The following CBX3 variants were observed in gnomAD, a reference collection of about 807,000 sequenced individuals.
The protein encoded by CBX3 is chromobox protein homolog 3.
In CBX3, 5 loss-of-function variants were observed where a neutral mutation model predicts 22.6. The ratio of observed to expected loss-of-function variants is 0.22; its 90% CI spans 0.12 to 0.47. The LOEUF (loss-of-function observed/expected upper bound fraction) is 0.47, where lower values mean the gene tolerates loss of function less well. Among genes scored for constraint, CBX3 ranks in the 20% least tolerant of loss-of-function variants. CBX3 has a pLI of 0.99. For synonymous variants in CBX3, 50 were observed against 66.6 expected (o/e 0.75, Z 1.21); for missense variants, 83 against 208.1 (o/e 0.40, Z 3.70).
chr7:26,205,648 C>CAG (rs1191595675), intron 2 of CBX3, among the ~76,000 whole-genome samples: 29 of 152,138 alleles, frequency 1.9e-4, no homozygotes, highest in African/African-American at 6.0e-4. Context: ...CTTTTACCAT[C>CAG]TGGGGGTGGA....
At chr7:26,206,547 C>T in intron 3 of CBX3, 37 bp downstream of exon 3, 2 of 1,597,058 alleles carry the variant, frequency 1.3e-6, no homozygotes, top group Non-Finnish European at 1.7e-6. Context: ...ATATGTTTAA[C>T]TGCAGCTAAG....
In CBX3 at chr7:26,208,585, T is replaced by C. The variant is rs1267155269; in HGVS notation, c.330+30T>C. 2.6e-6 allele frequency: 4 copies of C among 1,563,988 alleles called. No homozygotes were observed. In the Admixed American group the frequency reaches 7.5e-5, roughly 29 times the overall value. Reference sequence around the variant, plus strand: ...GTATAAAATATTGCCCACCAGCTTGTCCTTTTGTAAAAGGTTGATGGCTTG... The same window carrying C: ...GTATAAAATATTGCCCACCAGCTTGCCCTTTTGTAAAAGGTTGATGGCTTG... On this transcript the variant is annotated intron_variant, in intron 4 of 5. Coordinates refer to ENST00000396386, the MANE Select transcript of CBX3 (RefSeq NM_016587.4).
intron 4 of CBX3, among the ~76,000 whole-genome samples, chr7:26,211,407 G>C (rs1211030101): frequency 6.6e-6 from 1 of 152,050 alleles, no homozygotes; most frequent in Non-Finnish European, 1.5e-5. Context: ...CTCTGACTTT[G>C]GTGTCATTGA....
Position 26,206,509 on chromosome 7 carries a change from G to A in CBX3, c.166G>A (p.Asp56Asn), listed in dbSNP as rs760321538. 11 of 1,613,362 alleles carry A rather than the reference G, an allele frequency of 6.8e-6. No individual in the cohort carries two copies. Among genetic ancestry groups the A allele is most frequent in the Non-Finnish European group, 9.3e-6 (11 of 1,179,728 alleles). ...EYFLKWKGFT[D>N]ADNTWEPEEN... Reference sequence around the variant, plus strand: ...TTTCCTGAAGTGGAAGGGATTTACAGAGTAAGAAACTTTAGTGCATCTTTA... The same window carrying A: ...TTTCCTGAAGTGGAAGGGATTTACAAAGTAAGAAACTTTAGTGCATCTTTA... The change falls in exon 3 of 6, where the codon GAT becomes AAT. Residue 56 changes from aspartate to asparagine, a missense_variant and splice_region_variant. Coordinates refer to ENST00000396386, the MANE Select transcript of CBX3 (RefSeq NM_016587.4).
At chr7:26,206,024 A>G in intron 2 of CBX3, 1 of 182,774 alleles carries the variant, frequency 5.5e-6, no homozygotes, top group Non-Finnish European at 1.1e-5. Flanking sequence ...GGGGAGGCGG[A>G]GGTTGCAGTG....
rs1363464792 is a variant in CBX3 at position 26,212,583 on chromosome 7, TGTG to T, written c.*376_*378del. 3.0e-5 allele frequency: 2 copies of T among 66,984 alleles called. No homozygotes were observed. Among genetic ancestry groups the T allele is most frequent in the African/African-American group, 8.8e-5 (2 of 22,726 alleles). 4.1% of individuals were successfully genotyped at this position (66,984 alleles called of 1,614,324 possible). On this transcript the variant is annotated 3_prime_UTR_variant, in exon 6 of 6. Coordinates refer to ENST00000396386, the MANE Select transcript of CBX3 (RefSeq NM_016587.4). ...CATTCTAGATTTATTACGTGTTTTT[TGTG>T]TGTGTGTGTGTGTGTGTGTGTGTGT...
intron 4 of CBX3, among the ~76,000 whole-genome samples, chr7:26,211,421 C>T (rs146854300): frequency 3.0e-3 from 452 of 152,184 alleles, no homozygotes; most frequent in African/African-American, 0.011. Flanking sequence ...TCATTGAACG[C>T]AGTAATTTTC....
At chr7:26,205,742 T>A (rs990418192) in intron 2 of CBX3, among the ~76,000 whole-genome samples, 2 of 152,182 alleles carry the variant, frequency 1.3e-5, no homozygotes, top group Non-Finnish European at 2.9e-5. Flanking sequence ...CCTGCATAGT[T>A]GTTTGTTGCA....
chr7:26,205,767 A>G (rs1489072144), intron 2 of CBX3, among the ~76,000 whole-genome samples: 1 of 152,176 alleles, frequency 6.6e-6, no homozygotes, highest in Middle Eastern at 3.2e-3. Flanking sequence ...TGTTAAAATG[A>G]GTGAAAATTA....
intron 5 of CBX3, 96 bp downstream of exon 5, chr7:26,211,852 C>T: frequency 2.1e-6 from 2 of 947,224 alleles, no homozygotes; most frequent in South Asian, 3.4e-5. Flanking sequence ...GAAAAACTAT[C>T]TGCTGAGAGG....
chr7:26,207,107 C>A (rs545579038), intron 3 of CBX3, among the ~76,000 whole-genome samples: 2 of 152,184 alleles, frequency 1.3e-5, no homozygotes, highest in Admixed American at 1.3e-4. Flanking sequence ...TGCTTTGATT[C>A]TTCCCCCTTA....
intron 4 of CBX3, 52 bp from the exon 5 acceptor site, chr7:26,211,610 A>G (rs908350877): frequency 5.2e-6 from 6 of 1,160,544 alleles, no homozygotes; most frequent in Non-Finnish European, 7.5e-6. Flanking sequence ...ATACGCCATG[A>G]AAACAATTTA....
intron 2 of CBX3, 78 bp from the exon 3 acceptor site, chr7:26,206,290 A>T (rs1784674105): frequency 1.1e-6 from 1 of 890,492 alleles, no homozygotes; most frequent in Non-Finnish European, 1.7e-6. Context: ...TGTGATAATA[A>T]TATAAGCAAT....
intron 2 of CBX3, among the ~76,000 whole-genome samples, chr7:26,205,814 A>G (rs9769916): frequency 6.6e-6 from 1 of 152,216 alleles, no homozygotes; most frequent in Non-Finnish European, 1.5e-5. Context: ...GGCCGGGCGC[A>G]GTGGCTCACG....
rs546499173 is a variant in CBX3 at position 26,213,293 on chromosome 7, GTTTAC to G, written c.*1090_*1094del. The stretch of plus-strand genomic sequence containing the variant: ...TCAAAATGTTATCCAACTGTATATT[GTTTAC>G]TTTATTGTAAATACTGGTGAACAGT... On this transcript the variant is annotated 3_prime_UTR_variant, in exon 6 of 6. Coordinates refer to ENST00000396386, the MANE Select transcript of CBX3 (RefSeq NM_016587.4). The G allele has an allele frequency of 5.4e-4, 83 of 152,768 alleles. 1 individual carries two copies. The highest frequency in any genetic ancestry group is 9.6e-4 in the East Asian group (5 of 5,192). 9.5% of individuals were successfully genotyped at this position (152,768 alleles called of 1,614,324 possible).
At chr7:26,203,897 C>T (rs938833501) in intron 2 of CBX3, among the ~76,000 whole-genome samples, 2 of 152,152 alleles carry the variant, frequency 1.3e-5, no homozygotes, top group African/African-American at 2.4e-5. Flanking sequence ...TTAGATTCTG[C>T]ATTAGATTCT....
chr7:26,201,572 C>A (rs1177406846), upstream of CBX3: 1 of 150,842 alleles, frequency 6.6e-6, no homozygotes, highest in Non-Finnish European at 1.5e-5. Flanking sequence ...GTAAGTGCCG[C>A]GGTCGTCGGC....
In CBX3 at chr7:26,202,435, C is replaced by T. The variant is rs368201219; in HGVS notation, c.-28-536C>T. 2.6e-3 allele frequency: 393 copies of T among 152,468 alleles called. 2 individuals are homozygous for T. Among genetic ancestry groups the T allele is most frequent in the Middle Eastern group, 0.01 (3 of 292 alleles). The allele number at this position is 152,468 out of a possible 1,614,324, so 9.4% of individuals were successfully genotyped here. On this transcript the variant is annotated intron_variant, in intron 1 of 5. Coordinates refer to ENST00000396386, the MANE Select transcript of CBX3 (RefSeq NM_016587.4). ...GACGCCGGGCTTCAGCGGCGGGGGT[C>T]GGGAGCGGGTGTTTGCAAGAGGTGA...
rs536729236 is a variant in CBX3, at chr7:26,206,811, A to G, written c.167+301A>G. On this transcript the variant is annotated intron_variant, in intron 3 of 5. Transcript: ENST00000396386. ...GGTTAGATATTACACTAATTAGAAT[A>G]ATCTGCATTATTTTCCTCCACACAG... Among the ~76,000 whole-genome samples the G allele has an allele frequency of 3.3e-5, 5 of 152,336 alleles. No individual in the cohort carries two copies. The South Asian group carries it at 1.0e-3, about 32-fold the overall frequency.
Sources: gnomAD v4.1 joint callset for allele counts (sites outside exome capture counted in the v4.1 genomes callset) on GRCh38, gnomAD v4.1.1 for gene constraint, MANE v1.5 for transcripts, NCBI Gene and HGNC (gene_info 2026-07-23, HGNC 2026-07-21) for gene names.